Variants in ATP2B1 observed in about 807,000 individuals in gnomAD.
The protein encoded by ATP2B1 is plasma membrane calcium-transporting ATPase 1.
Under a neutral mutation model 124.2 loss-of-function variants are expected in ATP2B1, and 14 were observed. The observed-to-expected ratio is 0.11, with a 90% CI of 0.07 to 0.18. The LOEUF (loss-of-function observed/expected upper bound fraction) is 0.18. ATP2B1 is among the 10% of genes least tolerant of loss of function. The pLI, the probability that ATP2B1 is intolerant of heterozygous loss-of-function variation, is 1.00. For synonymous variants in ATP2B1, 449 were observed against 492.4 expected, an observed-to-expected ratio of 0.91 and a Z score of 1.17; for missense variants, 763 against 1,466.1, an observed-to-expected ratio of 0.52 and a Z score of 7.83.
intron 2 of ATP2B1, among the ~76,000 whole-genome samples, chr12:89,653,283 CTTTTTTTTTTTT>C (rs149270069): frequency 1.3e-5 from 1 of 76,116 alleles, no homozygotes; most frequent in East Asian, 3.9e-4. Flanking sequence ...GAATTTTTTT[CTTTTTTTTTTTT>C]TTTTTTTTTT....
At chr12:89,671,507 C>T (rs1236956093) in intron 1 of ATP2B1, among the ~76,000 whole-genome samples, 1 of 152,140 alleles carries the variant, frequency 6.6e-6, no homozygotes, top group African/African-American at 2.4e-5. Flanking sequence ...AGTATACACT[C>T]TACATGGATC....
At chr12:89,616,775 C>T (rs754127963) in intron 12 of ATP2B1, 27 bp downstream of exon 12, 5 of 1,570,794 alleles carry the variant, frequency 3.2e-6, no homozygotes, top group Non-Finnish European at 3.5e-6. Context: ...AGATTCTGCA[C>T]ATGCAGAACA....
At chr12:89,675,221 T>C (rs1888462522) in intron 1 of ATP2B1, among the ~76,000 whole-genome samples, 1 of 152,184 alleles carries the variant, frequency 6.6e-6, no homozygotes, top group South Asian at 2.1e-4. Context: ...AAAGATCCCG[T>C]CTAGCTTACA....
At chr12:89,640,319 C>T (rs868142824) in intron 3 of ATP2B1, among the ~76,000 whole-genome samples, 51 of 152,108 alleles carry the variant, frequency 3.4e-4, no homozygotes, top group Non-Finnish European at 5.9e-5. Context: ...AGAATATTGT[C>T]TAAGCCTCTC....
intron 3 of ATP2B1, among the ~76,000 whole-genome samples, chr12:89,639,953 C>T (rs915336514): frequency 6.6e-6 from 1 of 152,072 alleles, no homozygotes; most frequent in African/African-American, 2.4e-5. Context: ...AACCAATACC[C>T]AATATTTGAT....
intron 1 of ATP2B1, among the ~76,000 whole-genome samples, chr12:89,703,151 T>C (rs1247671062): frequency 1.3e-5 from 2 of 152,158 alleles, no homozygotes; most frequent in Non-Finnish European, 2.9e-5. Context: ...ATATTTTAAA[T>C]GCAGATACAG....
chr12:89,611,567 C>T lies in ATP2B1; in HGVS notation c.2068-195G>A. ...TTTCAATAATCTCTTTCCAATTCCACTGCCAGACTTAGCTCAGGCTTCGTT... is the reference window on the plus strand; with the variant it reads ...TTTCAATAATCTCTTTCCAATTCCATTGCCAGACTTAGCTCAGGCTTCGTT... On this transcript the variant is annotated intron_variant, in intron 12 of 20. Transcript: ENST00000428670. 2 of 452,544 alleles carry T rather than the reference C, an allele frequency of 4.4e-6. 1 individual carries two copies. The highest frequency in any genetic ancestry group is 1.9e-4 in the South Asian group (2 of 10,548). The allele number at this position is 452,544 out of a possible 1,614,324, so 28.0% of individuals were successfully genotyped here.
At chr12:89,679,567 T>C (rs1221419210) in intron 1 of ATP2B1, among the ~76,000 whole-genome samples, 5 of 152,110 alleles carry the variant, frequency 3.3e-5, no homozygotes, top group Non-Finnish European at 5.9e-5. Flanking sequence ...AAACCATAGG[T>C]AGCCTCCAGT....
chr12:89,635,576 A>G (rs1225061056), intron 3 of ATP2B1, among the ~76,000 whole-genome samples: 1 of 152,174 alleles, frequency 6.6e-6, no homozygotes, highest in Non-Finnish European at 1.5e-5. Flanking sequence ...AAATTATGAT[A>G]CCACCAGCTA....
At chr12:89,621,817 A>C (rs779309614) in intron 9 of ATP2B1, 26 bp from the exon 10 acceptor site, 2 of 1,384,212 alleles carry the variant, frequency 1.4e-6, no homozygotes, top group Non-Finnish European at 1.9e-6. Context: ...AAAAAAAACT[A>C]GTTAAGCTGC....
At chr12:89,664,070 T>C (rs1887015295) in intron 1 of ATP2B1, among the ~76,000 whole-genome samples, 1 of 152,210 alleles carries the variant, frequency 6.6e-6, no homozygotes, top group Admixed American at 6.5e-5. Flanking sequence ...ATTTCAGAAT[T>C]CCACAATTCA....
At chr12:89,606,918 T>G (rs1185705557) in intron 15 of ATP2B1, among the ~76,000 whole-genome samples, 1 of 152,132 alleles carries the variant, frequency 6.6e-6, no homozygotes, top group Admixed American at 6.5e-5. Flanking sequence ...ATGGGATTTC[T>G]TGATTCTCAT....
chr12:89,632,996 T>C (rs1339480664), intron 5 of ATP2B1, among the ~76,000 whole-genome samples: 3 of 152,144 alleles, frequency 2.0e-5, no homozygotes, highest in Non-Finnish European at 4.4e-5. Context: ...TAAAAGTCCA[T>C]GCAGTATACA....
At chr12:89,610,266 C>T (rs1356936634) in intron 14 of ATP2B1, among the ~76,000 whole-genome samples, 155 bp downstream of exon 14, 4 of 152,144 alleles carry the variant, frequency 2.6e-5, no homozygotes, top group Non-Finnish European at 4.4e-5. Context: ...CTTAACAACA[C>T]AATTTACCTA....
intron 1 of ATP2B1, among the ~76,000 whole-genome samples, chr12:89,701,593 G>A (rs1481727723): frequency 6.6e-6 from 1 of 152,140 alleles, no homozygotes; most frequent in African/African-American, 2.4e-5. Context: ...GGGTTCATAA[G>A]GCAATGTTTT....
intron 19 of ATP2B1, among the ~76,000 whole-genome samples, chr12:89,600,901 G>A (rs1289698012): frequency 1.3e-5 from 2 of 151,860 alleles, no homozygotes; most frequent in Admixed American, 6.6e-5. Flanking sequence ...CACCCGCCTC[G>A]GCCTCCCAAA....
chr12:89,598,208 T>C (rs1192220514), intron 20 of ATP2B1, among the ~76,000 whole-genome samples: 2 of 152,204 alleles, frequency 1.3e-5, no homozygotes, highest in Non-Finnish European at 2.9e-5. Context: ...TGCAATTTCC[T>C]GGTTCTGTTA....
rs183271170 is a variant in ATP2B1, at chr12:89,682,367, C to T, written c.-222+26229G>A. Among the ~76,000 whole-genome samples the T allele has an allele frequency of 4.3e-3, 648 of 152,122 alleles. 4 individuals carry two copies. The highest frequency in any genetic ancestry group is 7.8e-3 in the Admixed American group (119 of 15,266). On this transcript the variant is annotated intron_variant, in intron 1 of 20. Coordinates refer to ENST00000428670, the MANE Select transcript of ATP2B1 (RefSeq NM_001366521.1). Reference sequence around the variant, plus strand: ...ACAAGCTGGTGTTTAGTTTAGTTTTCGTTTAGGGGAAACGAAACATGCAAA... The same window carrying T: ...ACAAGCTGGTGTTTAGTTTAGTTTTTGTTTAGGGGAAACGAAACATGCAAA...
Position 89,656,091 on chromosome 12 carries a change from T to C in ATP2B1, c.-205A>G. On this transcript the variant is annotated 5_prime_UTR_variant, in exon 2 of 21. An upstream open reading frame in the 5' UTR loses its in-frame stop. Coordinates refer to ENST00000428670, the MANE Select transcript of ATP2B1 (RefSeq NM_001366521.1). ...CCCATGACTAGTTTCTCCATATCAA[T>C]CATGAGATATACACATCTGTAAGAA... 3.8e-6 allele frequency: 2 copies of C among 522,004 alleles called. No individual in the cohort carries two copies. Among genetic ancestry groups the C allele is most frequent in the East Asian group, 2.9e-5 (1 of 34,786 alleles). 32.3% of individuals were successfully genotyped at this position (522,004 alleles called of 1,614,324 possible).
Sources: gnomAD v4.1 joint callset for allele counts (sites outside exome capture counted in the v4.1 genomes callset) on GRCh38, gnomAD v4.1.1 for gene constraint, MANE v1.5 for transcripts, NCBI Gene and HGNC (gene_info 2026-07-23, HGNC 2026-07-21) for gene names.